Variants in CSMD1 observed in about 807,000 individuals in gnomAD.
CSMD1 encodes the protein CUB and sushi domain-containing protein 1.
A neutral mutation model predicts 417.5 loss-of-function variants in CSMD1; 213 were observed. That is an observed-to-expected ratio of 0.51 (90% CI 0.46 to 0.57). The LOEUF is 0.57. Among genes scored for constraint, CSMD1 ranks in the 20% least tolerant of loss-of-function variants. The probability of loss-of-function intolerance (pLI) is 0.00; values close to 1 mark genes in which losing one functional copy is unlikely to be tolerated. For missense variants in CSMD1, 6,923 were observed against 4,529.7 expected (o/e 1.53, Z -15.17); for synonymous variants, 2,862 against 1,736.8 (o/e 1.65, Z -16.11).
At chr8:3,577,944 G>A (rs1800220459) in intron 9 of CSMD1, among the ~76,000 whole-genome samples, 1 of 152,122 alleles carries the variant, frequency 6.6e-6, no homozygotes, top group South Asian at 2.1e-4. Context: ...ACCACCCTGT[G>A]GCTTGAGCTG....
At chr8:3,548,760 G>T (rs1047898436) in intron 10 of CSMD1, among the ~76,000 whole-genome samples, 1 of 151,406 alleles carries the variant, frequency 6.6e-6, no homozygotes, top group Middle Eastern at 3.4e-3. Flanking sequence ...TAAAGAGTAA[G>T]CCCGGCCAAG....
At chr8:4,914,794 C>T (rs958713829) in intron 1 of CSMD1, among the ~76,000 whole-genome samples, 1 of 152,116 alleles carries the variant, frequency 6.6e-6, no homozygotes, top group African/African-American at 2.4e-5. Context: ...CATGTAACCA[C>T]AATGTAAGAC....
intron 10 of CSMD1, among the ~76,000 whole-genome samples, chr8:3,518,448 G>C (rs1297209710): frequency 6.6e-6 from 1 of 152,120 alleles, no homozygotes; most frequent in Non-Finnish European, 1.5e-5. Flanking sequence ...TTAAAATTCT[G>C]ACACATAGAA....
chr8:4,141,471 T>C lies in CSMD1; in HGVS notation c.416-109372A>G, dbSNP rs913444046. Among the ~76,000 whole-genome samples the C allele has an allele frequency of 4.0e-4, 60 of 151,300 alleles. 3 individuals carry two copies. The highest frequency in any genetic ancestry group is 3.4e-3 in the Middle Eastern group (1 of 294). ...TTCACGGTTTAACACTGCTTTTGTA[T>C]ACAATATGCCATTTGGTCTTCACAA... On this transcript the variant is annotated intron_variant, in intron 3 of 69. Transcript: ENST00000635120.
At chr8:3,372,422 G>A (rs1355726719) in intron 18 of CSMD1, among the ~76,000 whole-genome samples, 1 of 152,134 alleles carries the variant, frequency 6.6e-6, no homozygotes, top group Non-Finnish European at 1.5e-5. Context: ...CTGGGGTTTA[G>A]CCCTGCTCCT....
chr8:3,882,623 A>T (rs1806282047), intron 5 of CSMD1, among the ~76,000 whole-genome samples: 1 of 152,182 alleles, frequency 6.6e-6, no homozygotes, highest in African/African-American at 2.4e-5. Context: ...TGCAAACTGA[A>T]AATTATGTAA....
intron 26 of CSMD1, among the ~76,000 whole-genome samples, chr8:3,282,416 A>G (rs1318266010): frequency 1.3e-5 from 2 of 152,226 alleles, no homozygotes; most frequent in African/African-American, 2.4e-5. Flanking sequence ...ACAGAATGGA[A>G]AGAAGAGGAA....
intron 3 of CSMD1, among the ~76,000 whole-genome samples, chr8:4,155,310 G>C (rs191540278): frequency 1.3e-5 from 2 of 152,218 alleles, no homozygotes; most frequent in African/African-American, 2.4e-5. Context: ...TCAGCGTTTG[G>C]GTCTCGCATT....
At chr8:4,814,215 T>C (rs909043588) in intron 1 of CSMD1, among the ~76,000 whole-genome samples, 49 of 151,594 alleles carry the variant, frequency 3.2e-4, no homozygotes, top group African/African-American at 1.1e-3. Context: ...TGTGTGTGTG[T>C]GTGCGTGTGC....
intron 55 of CSMD1, among the ~76,000 whole-genome samples, chr8:2,976,652 A>T (rs1056101932): frequency 2.0e-5 from 3 of 152,176 alleles, no homozygotes; most frequent in African/African-American, 7.2e-5. Context: ...CCTGGCCTCC[A>T]CTTTCTTTAT....
intron 18 of CSMD1, among the ~76,000 whole-genome samples, chr8:3,377,043 C>T (rs933572484): frequency 2.0e-5 from 3 of 152,202 alleles, no homozygotes; most frequent in Admixed American, 6.5e-5. Context: ...GAGTCTTGCT[C>T]TATTGTCCAG....
At chr8:3,377,616 T>C (rs148097923) in intron 18 of CSMD1, among the ~76,000 whole-genome samples, 38 of 152,250 alleles carry the variant, frequency 2.5e-4, no homozygotes, top group African/African-American at 8.4e-4. Context: ...CTTCACTCAG[T>C]TTCCATTAAA....
In CSMD1 at chr8:3,663,417, G is replaced by C. The variant is rs374258735; in HGVS notation, c.1009+44997C>G. Among the ~76,000 whole-genome samples, 42 of 152,198 alleles carry C rather than the reference G, an allele frequency of 2.8e-4. No individual in the cohort carries two copies. In the East Asian group the frequency reaches 6.4e-3, roughly 23 times the overall value. On this transcript the variant is annotated intron_variant, in intron 7 of 69. Coordinates refer to ENST00000635120, the MANE Select transcript of CSMD1 (RefSeq NM_033225.6). ...TGACTGCTTTTAAGACATGTGGACAGGAAGGACTCAAGAGAACTGAGAGAT... is the reference window on the plus strand; with the variant it reads ...TGACTGCTTTTAAGACATGTGGACACGAAGGACTCAAGAGAACTGAGAGAT...
At chr8:3,649,694 G>A (rs1178844231) in intron 7 of CSMD1, among the ~76,000 whole-genome samples, 2 of 152,140 alleles carry the variant, frequency 1.3e-5, no homozygotes, top group Non-Finnish European at 2.9e-5. Context: ...CTTGACACAT[G>A]AGGATTATCG....
intron 2 of CSMD1, among the ~76,000 whole-genome samples, chr8:4,456,985 T>TTTTTAAAAA (rs71207092): frequency 7.2e-6 from 1 of 138,790 alleles, no homozygotes; most frequent in African/African-American, 2.7e-5. Context: ...GGTTTTTTTT[T>TTTTTAAAAA]AAAAAAAAAA....
intron 10 of CSMD1, among the ~76,000 whole-genome samples, chr8:3,523,578 TACAC>T (rs920694301): frequency 2.0e-5 from 3 of 149,368 alleles, no homozygotes; most frequent in Non-Finnish European, 3.0e-5. Context: ...CACACACATG[TACAC>T]ACAGACATAT....
chr8:4,886,385 G>C (rs117395532), intron 1 of CSMD1, among the ~76,000 whole-genome samples: 1,608 of 151,816 alleles, frequency 0.011, 13 homozygotes, highest in Non-Finnish European at 0.018. Flanking sequence ...ACATTATTAT[G>C]ATGCTGGATT....
chr8:4,117,041 A>G (rs1802195180), intron 3 of CSMD1, among the ~76,000 whole-genome samples: 1 of 151,876 alleles, frequency 6.6e-6, no homozygotes, highest in Non-Finnish European at 1.5e-5. Flanking sequence ...CGCAGTTTGG[A>G]AACTGTCAGT....
At chr8:4,991,251 T>C (rs1169751725) in intron 1 of CSMD1, among the ~76,000 whole-genome samples, 1 of 152,174 alleles carries the variant, frequency 6.6e-6, no homozygotes, top group East Asian at 1.9e-4. Flanking sequence ...CCTTTTCCCC[T>C]GGTCCCTGAA....
Sources: allele counts gnomAD v4.1 joint callset (sites outside exome capture counted in the v4.1 genomes callset), GRCh38; gene constraint gnomAD v4.1.1; transcripts MANE v1.5; gene names NCBI Gene and HGNC (gene_info 2026-07-23, HGNC 2026-07-21).